The following ZPBP variants were observed in gnomAD, a reference collection of about 807,000 sequenced individuals.
The protein encoded by ZPBP is zona pellucida-binding protein 1.
A neutral mutation model predicts 44.8 loss-of-function variants in ZPBP; 26 were observed. The ratio of observed to expected loss-of-function variants is 0.58; its 90% CI spans 0.43 to 0.81. The LOEUF (loss-of-function observed/expected upper bound fraction) is 0.81. ZPBP is among the 30% of genes least tolerant of loss of function. ZPBP has a pLI of 0.00. For synonymous variants in ZPBP, 174 were observed against 153.2 expected (o/e 1.14, Z -1.00); for missense variants, 409 against 434.0 (o/e 0.94, Z 0.51).
rs752787142 is a variant in ZPBP at position 50,031,294 on chromosome 7, A to T, written c.504T>A (p.His168Gln). Residue 168 changes from histidine to glutamine, a missense_variant, in exon 5 of 8, where the codon CAT becomes CAA. Physicochemically the swap from His to Gln is conservative, Grantham distance 24. Around this residue, in one of 2 missense-constraint regions of ZPBP, gnomAD observed 367 missense variants for 363.1 expected, o/e 1.01. Transcript: ENST00000046087. ...ATCGAGCTGTGAACTGATAATAATA[A>T]TGAGGCTCACGATAAGCTGTAAAAA... Reference protein sequence around the residue: ...KYAIYAYREPHYYYQFTARYH... With the variant: ...KYAIYAYREPQYYYQFTARYH... 6.2e-7 allele frequency: 1 copy of T among 1,610,534 alleles called. No individual in the cohort carries two copies. The highest frequency in any genetic ancestry group is 1.7e-5 in the Admixed American group (1 of 59,832).
chr7:49,893,986 C>T (rs553974978), intron 2 of ZPBP, among the ~76,000 whole-genome samples: 64 of 152,326 alleles, frequency 4.2e-4, no homozygotes, highest in African/African-American at 1.5e-3. Flanking sequence ...GCTTGGAGTT[C>T]TGCTCCATGG....
At chr7:49,960,737 A>G (rs1261285771) in intron 7 of ZPBP, among the ~76,000 whole-genome samples, 1 of 152,192 alleles carries the variant, frequency 6.6e-6, no homozygotes, top group Non-Finnish European at 1.5e-5. Flanking sequence ...GGAACTTGAA[A>G]AGATGCTCAA....
intron 4 of ZPBP, among the ~76,000 whole-genome samples, chr7:50,050,545 A>G (rs573474665): frequency 8.2e-4 from 125 of 152,190 alleles, no homozygotes; most frequent in African/African-American, 3.0e-3. Flanking sequence ...CTGAACATCC[A>G]TATGTAAAAA....
intron 7 of ZPBP, among the ~76,000 whole-genome samples, chr7:49,983,105 G>C (rs1252875141): frequency 1.3e-5 from 2 of 151,852 alleles, no homozygotes; most frequent in Non-Finnish European, 2.9e-5. Flanking sequence ...TTTCCTCCCA[G>C]ATAACTGCCT....
At chr7:49,854,272 TC>T (rs1170872744) in intron 2 of ZPBP, among the ~76,000 whole-genome samples, 3 of 152,178 alleles carry the variant, frequency 2.0e-5, no homozygotes. Context: ...TAGTTTGAGA[TC>T]CTTGAGGAAT....
At chr7:50,072,942 T>TGGCTACAAATAAGCGCAGACAGTGAA (rs1801918760) in intron 3 of ZPBP, among the ~76,000 whole-genome samples, 3 of 152,086 alleles carry the variant, frequency 2.0e-5, no homozygotes, top group Non-Finnish European at 4.4e-5. Flanking sequence ...CCAAGAAGAA[T>TGGCTACAAATAAGCGCAGACAGTGAA]GGCTACAAAT....
chr7:49,938,173 T>C (rs1183538243), intron 7 of ZPBP, among the ~76,000 whole-genome samples: 1 of 152,332 alleles, frequency 6.6e-6, no homozygotes, highest in East Asian at 1.9e-4. Context: ...AGGTCAACAC[T>C]ACAGGAAGAA....
intron 3 of ZPBP, among the ~76,000 whole-genome samples, chr7:50,080,938 A>T (rs1401855030): frequency 6.6e-6 from 1 of 151,772 alleles, no homozygotes; most frequent in Non-Finnish European, 1.5e-5. Context: ...ATGATGAATA[A>T]TTTGTCCTAA....
intron 6 of ZPBP, among the ~76,000 whole-genome samples, chr7:49,988,007 A>G (rs1259803610): frequency 6.6e-6 from 1 of 152,228 alleles, no homozygotes; most frequent in Non-Finnish European, 1.5e-5. Flanking sequence ...CTAAAAGTTC[A>G]AACAAGTTGT....
intron 2 of ZPBP, among the ~76,000 whole-genome samples, chr7:49,900,943 C>T (rs1188486239): frequency 6.6e-6 from 1 of 151,720 alleles, no homozygotes; most frequent in East Asian, 1.9e-4. Context: ...CCAGGTATGC[C>T]TTAATTCATC....
intron 4 of ZPBP, among the ~76,000 whole-genome samples, chr7:50,039,201 A>T (rs1451473546): frequency 6.6e-6 from 1 of 152,200 alleles, no homozygotes; most frequent in Non-Finnish European, 1.5e-5. Context: ...TATGGTTATA[A>T]AATCACATCA....
chr7:50,019,870 T>G (rs60970531), intron 5 of ZPBP, among the ~76,000 whole-genome samples: 1,896 of 152,028 alleles, frequency 0.012, 45 homozygotes, highest in African/African-American at 0.043. Context: ...GGAGAAAAGG[T>G]TTTATTTATA....
At chr7:50,016,336 C>T (rs1409277994) in intron 6 of ZPBP, among the ~76,000 whole-genome samples, 1 of 152,116 alleles carries the variant, frequency 6.6e-6, no homozygotes, top group Non-Finnish European at 1.5e-5. Flanking sequence ...CACATGTTGT[C>T]ACTTATAAGT....
At chr7:50,059,549 G>A (rs117248461) in intron 3 of ZPBP, among the ~76,000 whole-genome samples, 1,544 of 152,164 alleles carry the variant, frequency 0.01, 14 homozygotes, top group Non-Finnish European at 0.016. Flanking sequence ...TTTTATAAAC[G>A]AAGTTAACAG....
intron 2 of ZPBP, among the ~76,000 whole-genome samples, chr7:49,891,686 A>T (rs890913633): frequency 6.6e-6 from 1 of 152,206 alleles, no homozygotes; most frequent in Non-Finnish European, 1.5e-5. Context: ...TTCTGATGTA[A>T]TCACTTTGGG....
intron 6 of ZPBP, among the ~76,000 whole-genome samples, chr7:49,994,742 T>C (rs1797738927): frequency 6.6e-6 from 1 of 152,172 alleles, no homozygotes; most frequent in Non-Finnish European, 1.5e-5. Flanking sequence ...AGCATCCTTA[T>C]CAGCCACTGA....
chr7:49,884,773 A>C (rs1215198135), intron 2 of ZPBP, among the ~76,000 whole-genome samples: 1 of 152,186 alleles, frequency 6.6e-6, no homozygotes, highest in African/African-American at 2.4e-5. Context: ...AAACGGGGAA[A>C]AAAATAAATA....
At chr7:50,003,057 T>A (rs1487361797) in intron 6 of ZPBP, among the ~76,000 whole-genome samples, 1 of 152,200 alleles carries the variant, frequency 6.6e-6, no homozygotes, top group Non-Finnish European at 1.5e-5. Flanking sequence ...ATTCCCTACT[T>A]GTTTTGGAGG....
At chr7:49,892,071 G>A (rs1281778812) in intron 2 of ZPBP, among the ~76,000 whole-genome samples, 1 of 107,010 alleles carries the variant, frequency 9.3e-6, no homozygotes, top group East Asian at 3.1e-4. Context: ...TTGAGACGGA[G>A]TCTCGCTCTG....
Sources: gnomAD v4.1 joint callset for allele counts (sites outside exome capture counted in the v4.1 genomes callset) on GRCh38, gnomAD v4.1.1 for gene constraint, gnomAD v4.1.1 regional missense constraint, MANE v1.5 for transcripts, NCBI Gene and HGNC (gene_info 2026-07-23, HGNC 2026-07-21) for gene names.